The following ASTN2 variants were observed in gnomAD, a reference collection of about 807,000 sequenced individuals.
The protein encoded by ASTN2 is astrotactin-2.
In ASTN2, 54 loss-of-function variants were observed where a neutral mutation model predicts 139.8. The observed-to-expected ratio is 0.39, with a 90% confidence interval of 0.31 to 0.48. The LOEUF (loss-of-function observed/expected upper bound fraction) is 0.48, where lower values mean the gene tolerates loss of function less well. ASTN2 is among the 20% of genes least tolerant of loss of function. The probability of loss-of-function intolerance (pLI) is 0.95; values close to 1 mark genes in which losing one functional copy is unlikely to be tolerated. For synonymous variants in ASTN2, 756 were observed against 719.5 expected (o/e 1.05, Z -0.81); for missense variants, 1,565 against 1,725.1 (o/e 0.91, Z 1.64).
At chr9:117,353,639 C>T (rs963426417) in intron 1 of ASTN2, among the ~76,000 whole-genome samples, 1 of 152,056 alleles carries the variant, frequency 6.6e-6, no homozygotes, top group Non-Finnish European at 1.5e-5. Context: ...CCAACAATTA[C>T]CAGCACAACC....
chr9:117,376,614 G>A (rs962349926), intron 1 of ASTN2, among the ~76,000 whole-genome samples: 2 of 152,156 alleles, frequency 1.3e-5, no homozygotes, highest in African/African-American at 4.8e-5. Context: ...CAGGATTTGT[G>A]GGAGGAGCGA....
intron 3 of ASTN2, among the ~76,000 whole-genome samples, chr9:117,149,478 T>C (rs1419800842): frequency 6.6e-6 from 1 of 152,088 alleles, no homozygotes; most frequent in East Asian, 1.9e-4. Context: ...GTTCTGTTTC[T>C]CTAAAGAACT....
In ASTN2 at chr9:117,222,420, G is replaced by T. The variant is rs565981531; in HGVS notation, c.631-7678C>A. ...AGTAAGCTGGGGAGCAGAGACTGGG[G>T]CCTGAAAGGAGACTTGTCAGAGTAC... On this transcript the variant is annotated intron_variant, in intron 2 of 22. Transcript: ENST00000313400. Among the ~76,000 whole-genome samples, 16 of 152,148 alleles carry T rather than the reference G, an allele frequency of 1.1e-4. No individual in the cohort carries two copies. The South Asian group carries it at 3.3e-3, about 32-fold the overall frequency.
chr9:117,332,855 T>C (rs1239999680), intron 1 of ASTN2, among the ~76,000 whole-genome samples: 2 of 152,162 alleles, frequency 1.3e-5, no homozygotes, highest in African/African-American at 4.8e-5. Flanking sequence ...TGCTAAAACA[T>C]GAATGAACCT....
intron 3 of ASTN2, among the ~76,000 whole-genome samples, chr9:117,189,669 C>T (rs1831296468): frequency 6.6e-6 from 1 of 152,100 alleles, no homozygotes; most frequent in Non-Finnish European, 1.5e-5. Flanking sequence ...GGTTGAATCT[C>T]AAAAGTATTA....
chr9:117,045,580 C>G (rs1469859392), intron 5 of ASTN2, among the ~76,000 whole-genome samples: 1 of 152,128 alleles, frequency 6.6e-6, no homozygotes, highest in East Asian at 1.9e-4. Flanking sequence ...GGAAATAACT[C>G]AGTGTTGTTG....
intron 20 of ASTN2, among the ~76,000 whole-genome samples, chr9:116,478,435 G>C (rs1250012981): frequency 1.3e-5 from 2 of 152,052 alleles, no homozygotes; most frequent in African/African-American, 4.8e-5. Context: ...GTGTGTCCTG[G>C]ATAAACCCTG....
At chr9:116,667,609 G>A (rs906856892) in intron 16 of ASTN2, among the ~76,000 whole-genome samples, 5 of 152,084 alleles carry the variant, frequency 3.3e-5, no homozygotes, top group African/African-American at 7.2e-5. Context: ...GAGAAAAGAC[G>A]GCTGCCAGAT....
At chr9:116,568,926 A>G (rs1433826268) in intron 19 of ASTN2, 1 of 152,170 alleles carries the variant, frequency 6.6e-6, no homozygotes, top group East Asian at 1.9e-4. Context: ...TCCTTTAGGC[A>G]AGGTGAGGCC....
chr9:117,283,552 A>G (rs1050570299), intron 2 of ASTN2, among the ~76,000 whole-genome samples: 3 of 152,150 alleles, frequency 2.0e-5, no homozygotes, highest in Admixed American at 1.3e-4. Context: ...TCATTTTTAG[A>G]TGGGTGCAGT....
At chr9:116,988,630 G>A (rs1050471182) in intron 7 of ASTN2, among the ~76,000 whole-genome samples, 2 of 152,102 alleles carry the variant, frequency 1.3e-5, no homozygotes, top group Non-Finnish European at 2.9e-5. Flanking sequence ...GAAAGCAACA[G>A]GGTCAAGATT....
At chr9:116,992,422 G>T (rs1429898768) in intron 7 of ASTN2, among the ~76,000 whole-genome samples, 1 of 152,136 alleles carries the variant, frequency 6.6e-6, no homozygotes, top group African/African-American at 2.4e-5. Flanking sequence ...AGAGGCAAGG[G>T]TCATTAATTA....
At chr9:117,283,373 TTAAAG>T (rs1834371760) in intron 2 of ASTN2, among the ~76,000 whole-genome samples, 1 of 152,224 alleles carries the variant, frequency 6.6e-6, no homozygotes, top group Non-Finnish European at 1.5e-5. Context: ...ACTTAAAATT[TTAAAG>T]TATTTTTTAA....
intron 19 of ASTN2, chr9:116,569,056 T>C (rs1196414712): frequency 6.6e-6 from 1 of 152,220 alleles, no homozygotes; most frequent in Non-Finnish European, 1.5e-5. Context: ...CTCTGGAGTG[T>C]GAGCAAGATA....
At chr9:116,682,669 A>T (rs1193623312) in intron 16 of ASTN2, among the ~76,000 whole-genome samples, 1 of 152,226 alleles carries the variant, frequency 6.6e-6, no homozygotes, top group Non-Finnish European at 1.5e-5. Flanking sequence ...AATGTGGCAC[A>T]TATACACCAT....
At chr9:117,402,184 G>A (rs1489601291) in intron 1 of ASTN2, among the ~76,000 whole-genome samples, 7 of 151,992 alleles carry the variant, frequency 4.6e-5, no homozygotes, top group East Asian at 1.9e-4. Context: ...CTCCTGCCCC[G>A]GCCTCCTCTG....
At chr9:116,636,604 C>A (rs1450107297) in intron 17 of ASTN2, among the ~76,000 whole-genome samples, 1 of 151,976 alleles carries the variant, frequency 6.6e-6, no homozygotes, top group East Asian at 1.9e-4. Context: ...ATCGTTTGAA[C>A]CCGGGAGGTG....
At chr9:117,318,441 T>C (rs746521733) in intron 1 of ASTN2, among the ~76,000 whole-genome samples, 9 of 152,162 alleles carry the variant, frequency 5.9e-5, no homozygotes, top group Non-Finnish European at 1.2e-4. Context: ...GGGGTTCCCA[T>C]CCAGGCTTGG....
At chr9:117,239,001 G>A (rs1366360951) in intron 2 of ASTN2, among the ~76,000 whole-genome samples, 1 of 152,166 alleles carries the variant, frequency 6.6e-6, no homozygotes, top group Non-Finnish European at 1.5e-5. Context: ...CAGGCAGCAT[G>A]TTCTTCTTTG....
Sources: gnomAD v4.1 joint callset for allele counts (sites outside exome capture counted in the v4.1 genomes callset) on GRCh38, gnomAD v4.1.1 for gene constraint, MANE v1.5 for transcripts, NCBI Gene and HGNC (gene_info 2026-07-23, HGNC 2026-07-21) for gene names.